Variants in ITFG1 observed in about 807,000 individuals in gnomAD.
The protein encoded by ITFG1 is T-cell immunomodulatory protein.
A neutral mutation model predicts 81.8 loss-of-function variants in ITFG1; 34 were observed. That is an observed-to-expected ratio of 0.42 (90% CI 0.32 to 0.55). The LOEUF (loss-of-function observed/expected upper bound fraction) is 0.55, where lower values mean the gene tolerates loss of function less well. Among genes scored for constraint, ITFG1 ranks in the 20% least tolerant of loss-of-function variants. The probability of loss-of-function intolerance (pLI) is 0.17; values close to 1 mark genes in which losing one functional copy is unlikely to be tolerated. For missense variants in ITFG1, 672 were observed against 755.4 expected (o/e 0.89, Z 1.29); for synonymous variants, 285 against 270.6 (o/e 1.05, Z -0.52).
At chr16:47,199,091 T>C (rs541655655) in intron 14 of ITFG1, among the ~76,000 whole-genome samples, 2 of 152,196 alleles carry the variant, frequency 1.3e-5, no homozygotes, top group African/African-American at 2.4e-5. Context: ...CTAGGCAACA[T>C]GGTGAAACCC....
intron 6 of ITFG1, among the ~76,000 whole-genome samples, chr16:47,382,620 C>T (rs570272837): frequency 1.4e-5 from 2 of 147,610 alleles, no homozygotes; most frequent in African/African-American, 2.5e-5. Context: ...ACCCTGTCTT[C>T]CGTCGTCAGT....
At chr16:47,267,885 T>C (rs1171036568) in intron 10 of ITFG1, among the ~76,000 whole-genome samples, 3 of 152,102 alleles carry the variant, frequency 2.0e-5, no homozygotes, top group African/African-American at 4.8e-5. Context: ...TATGTCACTA[T>C]AGTAGTATTT....
intron 14 of ITFG1, among the ~76,000 whole-genome samples, chr16:47,185,714 G>A (rs1181194091): frequency 1.3e-5 from 2 of 152,018 alleles, no homozygotes; most frequent in African/African-American, 4.8e-5. Context: ...AAAAGCAAGA[G>A]CAAACACATT....
chr16:47,386,001 A>G (rs1968456715), intron 6 of ITFG1, among the ~76,000 whole-genome samples: 2 of 152,178 alleles, frequency 1.3e-5, no homozygotes, highest in Admixed American at 6.5e-5. Context: ...CCACAGCCAA[A>G]ACAGTGGGCA....
chr16:47,178,118 T>C (rs1055589665), intron 14 of ITFG1, among the ~76,000 whole-genome samples: 21 of 152,244 alleles, frequency 1.4e-4, no homozygotes, highest in Non-Finnish European at 2.9e-5. Context: ...TGTTAAATCA[T>C]ACAGCTTATC....
chr16:47,442,617 C>G (rs1969268100), intron 5 of ITFG1, among the ~76,000 whole-genome samples: 2 of 152,146 alleles, frequency 1.3e-5, no homozygotes, highest in South Asian at 4.1e-4. Context: ...ACTATCTGAT[C>G]TTTGACAAAC....
chr16:47,251,466 T>C (rs557951081), intron 12 of ITFG1, among the ~76,000 whole-genome samples: 31 of 137,930 alleles, frequency 2.2e-4, no homozygotes, highest in African/African-American at 8.1e-4. Context: ...CCAACACTGA[T>C]TCTTTTAAGA....
Position 47,368,009 on chromosome 16 carries a change from G to A in ITFG1, c.721-2140C>T, listed in dbSNP as rs187780584. Reference sequence around the variant, plus strand: ...TCCCAGCACTTTGGGAGGTCGAGGCGGGCGGATCAGGTCAGGAGATGAAGA... The same window carrying A: ...TCCCAGCACTTTGGGAGGTCGAGGCAGGCGGATCAGGTCAGGAGATGAAGA... On this transcript the variant is annotated intron_variant, in intron 7 of 17. Transcript: ENST00000320640. Among the ~76,000 whole-genome samples, 502 of 151,098 alleles carry A rather than the reference G, an allele frequency of 3.3e-3. 3 individuals are homozygous for A. Among genetic ancestry groups the A allele is most frequent in the Non-Finnish European group, 5.7e-3 (384 of 67,738 alleles).
intron 14 of ITFG1, among the ~76,000 whole-genome samples, chr16:47,178,146 T>C (rs1420315426): frequency 6.6e-6 from 1 of 152,236 alleles, no homozygotes; most frequent in Non-Finnish European, 1.5e-5. Flanking sequence ...TTTTCTGTTT[T>C]AAAATTCACT....
intron 14 of ITFG1, among the ~76,000 whole-genome samples, chr16:47,186,165 G>T (rs959018914): frequency 6.6e-6 from 1 of 152,038 alleles, no homozygotes; most frequent in Non-Finnish European, 1.5e-5. Flanking sequence ...ATTCACAGCC[G>T]AATTCTACCA....
intron 14 of ITFG1, among the ~76,000 whole-genome samples, chr16:47,197,836 C>A (rs950950816): frequency 6.6e-6 from 1 of 152,188 alleles, no homozygotes; most frequent in African/African-American, 2.4e-5. Flanking sequence ...TGTTTCTCAC[C>A]CCTGCCAGAA....
chr16:47,195,787 T>C (rs2151518901), intron 14 of ITFG1, among the ~76,000 whole-genome samples: 1 of 152,332 alleles, frequency 6.6e-6, no homozygotes, highest in East Asian at 1.9e-4. Flanking sequence ...ATGTGCAGAA[T>C]GTGCAGGTTT....
intron 14 of ITFG1, among the ~76,000 whole-genome samples, chr16:47,167,953 G>T (rs943585442): frequency 6.6e-6 from 1 of 152,116 alleles, no homozygotes; most frequent in Non-Finnish European, 1.5e-5. Flanking sequence ...GTATATATTA[G>T]AAATTCTGGA....
At chr16:47,180,695 C>T (rs572755366) in intron 14 of ITFG1, among the ~76,000 whole-genome samples, 1 of 152,270 alleles carries the variant, frequency 6.6e-6, no homozygotes, top group African/African-American at 2.4e-5. Flanking sequence ...CTCAATGGTG[C>T]CCAGGCTGGG....
intron 14 of ITFG1, among the ~76,000 whole-genome samples, chr16:47,204,051 C>T (rs1965461487): frequency 6.6e-6 from 1 of 151,996 alleles, no homozygotes; most frequent in African/African-American, 2.4e-5. Flanking sequence ...TGTATTTCAC[C>T]ACAATTTAAA....
At chr16:47,202,156 A>T (rs765601314) in intron 14 of ITFG1, 2 of 152,242 alleles carry the variant, frequency 1.3e-5, no homozygotes, top group Non-Finnish European at 2.9e-5. Context: ...GAACTAGATA[A>T]TAGTAGACAT....
At chr16:47,411,649 C>A (rs894899243) in intron 6 of ITFG1, among the ~76,000 whole-genome samples, 2 of 152,084 alleles carry the variant, frequency 1.3e-5, no homozygotes, top group African/African-American at 2.4e-5. Context: ...CTCATAGTGA[C>A]CCACCTTTGA....
chr16:47,345,173 A>G (rs1030808724), intron 8 of ITFG1, among the ~76,000 whole-genome samples: 13 of 152,214 alleles, frequency 8.5e-5, no homozygotes, highest in Non-Finnish European at 1.8e-4. Context: ...GAGGTGTCCA[A>G]TCTTTTGGCT....
chr16:47,440,641 G>C (rs955534659), intron 5 of ITFG1, among the ~76,000 whole-genome samples: 5 of 152,008 alleles, frequency 3.3e-5, no homozygotes, highest in South Asian at 2.1e-4. Flanking sequence ...AAACCAACGA[G>C]AACAAAGACA....
Sources: gnomAD v4.1 joint callset for allele counts (sites outside exome capture counted in the v4.1 genomes callset) on GRCh38, gnomAD v4.1.1 for gene constraint, MANE v1.5 for transcripts, NCBI Gene and HGNC (gene_info 2026-07-23, HGNC 2026-07-21) for gene names.